ECPAS: variants seen among roughly 807,000 people sequenced by gnomAD.
ECPAS encodes the protein Ecm29 proteasome adaptor and scaffold, also known as proteasome adapter and scaffold protein ECM29.
A neutral mutation model predicts 255.1 loss-of-function variants in ECPAS; 70 were observed. The observed-to-expected ratio is 0.27, with a 90% confidence interval of 0.23 to 0.33. The LOEUF (loss-of-function observed/expected upper bound fraction) is 0.33, where lower values mean the gene tolerates loss of function less well. Among genes scored for constraint, ECPAS ranks in the 10% least tolerant of loss-of-function variants. The pLI is 1.00. For synonymous variants in ECPAS, 784 were observed against 775.0 expected (o/e 1.01, Z -0.19); for missense variants, 1,817 against 2,206.4 (o/e 0.82, Z 3.54).
rs372474056 is a variant in ECPAS, at chr9:111,367,351, T to C, written c.5114-724A>G. ...AGAAACAAAACCCAGAAATTGTAGA[T>C]ATATATGAGAAGCCAATGTGTAACA... On this transcript the variant is annotated intron_variant, in intron 46 of 49. Transcript: ENST00000684092. 7.0e-4 allele frequency among the ~76,000 whole-genome samples: 106 copies of C among 152,318 alleles called. 2 individuals carry two copies. The highest frequency in any genetic ancestry group is 6.6e-3 in the South Asian group (32 of 4,826).
chr9:111,392,563 T>C (rs1395188044), intron 28 of ECPAS, among the ~76,000 whole-genome samples: 1 of 152,212 alleles, frequency 6.6e-6, no homozygotes, highest in East Asian at 1.9e-4. Flanking sequence ...CTTTCGACGC[T>C]TGACCTAGTG....
chr9:111,391,098 C>T (rs1172811667), intron 29 of ECPAS, among the ~76,000 whole-genome samples: 2 of 152,202 alleles, frequency 1.3e-5, no homozygotes, highest in Admixed American at 6.5e-5. Flanking sequence ...GAAAGGCCAC[C>T]TGTGCCAGCT....
chr9:111,389,675 G>A lies in ECPAS; in HGVS notation c.3328C>T (p.Leu1110=). ...NVIATRAGEQ[L]APFLPQLVPR... Reference sequence around the variant, plus strand: ...ACTAGCTGAGGCAGAAAAGGAGCCAGCTGCTCTCCAGCTCTGGTAGCAATT... The same window carrying A: ...ACTAGCTGAGGCAGAAAAGGAGCCAACTGCTCTCCAGCTCTGGTAGCAATT... The change falls in exon 31 of 50, where the codon CTG becomes TTG. Residue 1110 remains leucine (L), a synonymous_variant. Transcript: ENST00000684092. 1 of 1,613,896 alleles carries A rather than the reference G, an allele frequency of 6.2e-7. No individual in the cohort carries two copies. Among genetic ancestry groups the A allele is most frequent in the Non-Finnish European group, 8.5e-7 (1 of 1,179,816 alleles).
At position 111,448,709 on chromosome 9, in the gene ECPAS, A is replaced by G. The variant is rs116344019; in HGVS notation, c.153+2716T>C. Among the ~76,000 whole-genome samples, 356 of 152,358 alleles carry G rather than the reference A, an allele frequency of 2.3e-3. 4 individuals carry two copies. The highest frequency in any genetic ancestry group is 8.4e-3 in the African/African-American group (349 of 41,584). On this transcript the variant is annotated intron_variant, in intron 3 of 49. Transcript: ENST00000684092. The stretch of plus-strand genomic sequence containing the variant: ...CTGAAAGGCTTTTCTTACAAACATT[A>G]GAATACACTTTGAAGGACTGTAACA...
intron 21 of ECPAS, chr9:111,411,679 C>G (rs1277883072): frequency 9.7e-6 from 2 of 205,372 alleles, no homozygotes; most frequent in Non-Finnish European, 1.9e-5. Flanking sequence ...TCATCAGGCC[C>G]GACCCTGCTT....
chr9:111,363,625 A>G lies in ECPAS; in HGVS notation c.5343T>C (p.Ala1781=), dbSNP rs767212193. 6.3e-7 allele frequency: 1 copy of G among 1,576,768 alleles called. No individual in the cohort carries two copies. Among genetic ancestry groups the G allele is most frequent in the South Asian group, 1.1e-5 (1 of 87,508 alleles). Residue 1781 remains alanine, a synonymous_variant, in exon 49 of 50, where the codon GCT becomes GCC. Transcript: ENST00000684092. ...TAAGCAGCAATTCTATCACAGATAA[A>G]GCTTCTGTTCTCACAGATGAGTAGG... ...NKTYSSVRTE[A]LSVIELLLKK... is the part of the protein sequence containing the mutation.
In ECPAS at chr9:111,394,303, C is replaced by A; in HGVS notation, c.2779G>T (p.Ala927Ser). Reference sequence around the variant, plus strand: ...CATGGAACCACATCATTCACTTTGGCTCCTGGGGAAAAGCAAAGAAAAATA... The same window carrying A: ...CATGGAACCACATCATTCACTTTGGATCCTGGGGAAAAGCAAAGAAAAATA... ...TEEEYTPPAG[A>S]KVNDVVPWVL... Residue 927 changes from alanine to serine, a missense_variant and splice_region_variant, in exon 26 of 50, where the codon GCC (alanine) becomes TCC (serine). Physicochemically the swap from Ala to Ser is moderately conservative, Grantham distance 99. Around this residue, in one of 4 missense-constraint regions of ECPAS, gnomAD observed 960 missense variants for 1,179.0 expected, o/e 0.81. Coordinates refer to ENST00000684092, the MANE Select transcript of ECPAS (RefSeq NM_001364929.1). The A allele has an allele frequency of 6.7e-7, 1 of 1,498,914 alleles. No homozygotes were observed. The highest frequency in any genetic ancestry group is 8.9e-7 in the Non-Finnish European group (1 of 1,122,322). The allele number at this position is 1,498,914 out of a possible 1,614,324, so 92.9% of individuals were successfully genotyped here. A position where few individuals can be genotyped will look rare whatever the true frequency, so the allele number is the denominator to read the frequency against.
chr9:111,446,733 C>T (rs1402238461), intron 3 of ECPAS, among the ~76,000 whole-genome samples: 1 of 152,154 alleles, frequency 6.6e-6, no homozygotes, highest in East Asian at 1.9e-4. Context: ...GATGAGGAAG[C>T]AGAAGCCTCA....
In ECPAS at chr9:111,378,570, A is replaced by G; in HGVS notation, c.3954+10T>C. The G allele has an allele frequency of 6.2e-7, 1 of 1,611,130 alleles. No homozygotes were observed. Among genetic ancestry groups the G allele is most frequent in the East Asian group, 2.2e-5 (1 of 44,828 alleles). On this transcript the variant is annotated intron_variant, in intron 36 of 49. Transcript: ENST00000684092. The stretch of plus-strand genomic sequence containing the variant: ...TGATACTTACCAATATGCCTGCGCT[A>G]TCCACTCACCTTTTCTTGCTCTGTC...
chr9:111,383,638 G>A (rs1016256723), intron 34 of ECPAS, among the ~76,000 whole-genome samples: 2 of 152,172 alleles, frequency 1.3e-5, no homozygotes, highest in African/African-American at 4.8e-5. Flanking sequence ...AAAAGGTTTA[G>A]GGCTGGGTGC....
chr9:111,444,871 C>T (rs867467546), intron 3 of ECPAS, among the ~76,000 whole-genome samples: 32 of 151,480 alleles, frequency 2.1e-4, no homozygotes, highest in Middle Eastern at 3.5e-3. Flanking sequence ...CCAGCATGCC[C>T]GGCTAATTTT....
intron 5 of ECPAS, 56 bp from the exon 6 acceptor site, chr9:111,440,577 G>A: frequency 7.3e-7 from 1 of 1,361,030 alleles, no homozygotes; most frequent in Non-Finnish European, 9.9e-7. Flanking sequence ...TTTTATACAT[G>A]CAAAACACAG....
chr9:111,369,125 T>C lies in ECPAS; in HGVS notation c.5023A>G (p.Asn1675Asp). The C allele has an allele frequency of 6.2e-7, 1 of 1,607,716 alleles. No individual in the cohort carries two copies. Among genetic ancestry groups the C allele is most frequent in the Non-Finnish European group, 8.5e-7 (1 of 1,177,752 alleles). ...AGCTGGAGCTCCTTTTCCTTTTCAT[T>C]CTCCTCTTCATTTTTGGTTGTCCGG... is the stretch of plus-strand genomic sequence containing the variant. ...GVRTTKNEEE[N>D]EKEKELQLEY... The change falls in exon 46 of 50, where the codon AAT becomes GAT. Residue 1675 changes from asparagine (N) to aspartate (D), a missense_variant. Asn to Asp is a conservative substitution (Grantham distance 23). Around this residue, in one of 4 missense-constraint regions of ECPAS, gnomAD observed 960 missense variants for 1,179.0 expected, o/e 0.81. Coordinates refer to ENST00000684092, the MANE Select transcript of ECPAS (RefSeq NM_001364929.1).
chr9:111,374,716 C>G (rs1378309279), intron 38 of ECPAS, among the ~76,000 whole-genome samples: 2 of 152,074 alleles, frequency 1.3e-5, no homozygotes, highest in Non-Finnish European at 2.9e-5. Context: ...GGTGTCTGAT[C>G]CTTCAAAGAT....
intron 8 of ECPAS, 100 bp downstream of exon 8, chr9:111,433,133 G>T: frequency 8.4e-7 from 1 of 1,196,364 alleles, no homozygotes; most frequent in Non-Finnish European, 1.2e-6. Context: ...CCTCTAAGTT[G>T]AATGCCTCAT....
At chr9:111,425,885 T>C in intron 10 of ECPAS, 57 bp from the exon 11 acceptor site, 1 of 863,220 alleles carries the variant, frequency 1.2e-6, no homozygotes, top group Non-Finnish European at 1.8e-6. Context: ...TTTAATATTT[T>C]TGAATAGTAA....
intron 48 of ECPAS, 156 bp downstream of exon 48, chr9:111,366,083 T>C: frequency 1.8e-6 from 1 of 549,640 alleles, no homozygotes. Context: ...GATTTAAATA[T>C]TCCAGTTAAG....
At chr9:111,369,344 C>T (rs180690778) in intron 45 of ECPAS, among the ~76,000 whole-genome samples, 171 bp from the exon 46 acceptor site, 14 of 152,334 alleles carry the variant, frequency 9.2e-5, no homozygotes, top group Admixed American at 3.3e-4. Context: ...AACCAGAATA[C>T]TGTATCTCTA....
At chr9:111,480,287 C>CTTTTTTTT (rs1282400347) in intron 1 of ECPAS, among the ~76,000 whole-genome samples, 4 of 113,682 alleles carry the variant, frequency 3.5e-5, no homozygotes, top group African/African-American at 1.4e-4. Context: ...TTAAAAGCAC[C>CTTTTTTTT]TTTTCTTTTT....
Sources: allele counts gnomAD v4.1 joint callset (sites outside exome capture counted in the v4.1 genomes callset), GRCh38; gene constraint gnomAD v4.1.1; regional missense constraint gnomAD v4.1.1; transcripts MANE v1.5; gene names NCBI Gene and HGNC (gene_info 2026-07-23, HGNC 2026-07-21).